The following CDH1 variants were observed in gnomAD, a reference collection of about 807,000 sequenced individuals.
The protein encoded by CDH1 is cadherin-1.
A neutral mutation model predicts 84.5 loss-of-function variants in CDH1; 35 were observed. That is an observed-to-expected ratio of 0.41 (90% CI 0.32 to 0.55). The LOEUF is 0.55. Ranked by LOEUF, CDH1 falls within the 20% of genes least tolerant of loss-of-function variation. The pLI is 0.19. For missense variants in CDH1, 994 were observed against 1,126.6 expected (o/e 0.88, Z 1.68); for synonymous variants, 417 against 439.0 (o/e 0.95, Z 0.63).
chr16:68,815,854 C>A, intron 10 of CDH1, 95 bp downstream of exon 10: 1 of 1,421,468 alleles, frequency 7.0e-7, no homozygotes, highest in South Asian at 1.2e-5. Flanking sequence ...GGCATTTTGT[C>A]ATTTGTCTGT....
At chr16:68,744,782 A>T (rs199757843) in intron 2 of CDH1, among the ~76,000 whole-genome samples, 154 of 152,290 alleles carry the variant, frequency 1.0e-3, no homozygotes, top group Non-Finnish European at 1.9e-3. Flanking sequence ...ATGGTATGTC[A>T]AGCGTTCAGT....
At chr16:68,800,200 A>C (rs569713491) in intron 2 of CDH1, among the ~76,000 whole-genome samples, 1 of 152,024 alleles carries the variant, frequency 6.6e-6, no homozygotes, top group Non-Finnish European at 1.5e-5. Flanking sequence ...AAAAAAAAAA[A>C]AACCAAGGCC....
At chr16:68,807,680 C>T (rs1193671907) in intron 3 of CDH1, among the ~76,000 whole-genome samples, 1 of 151,874 alleles carries the variant, frequency 6.6e-6, no homozygotes, top group Non-Finnish European at 1.5e-5. Context: ...CAGAGCAAGA[C>T]CCTGTCTCTA....
At position 68,819,393 on chromosome 16, in the gene CDH1, C is replaced by T. The variant is rs746481984; in HGVS notation, c.1679C>T (p.Thr560Met). ...REDFEHVKNS[T>M]YTALIIATDN... ...GATTTTGAGCACGTGAAGAACAGCA[C>T]GTACACAGCCCTAATCATAGCTACA... Residue 560 changes from threonine to methionine, a missense_variant, in exon 11 of 16, where the codon ACG (threonine) becomes ATG (methionine). Physicochemically the swap from Thr to Met is moderately conservative, Grantham distance 81. Coordinates refer to ENST00000261769, the MANE Select transcript of CDH1 (RefSeq NM_004360.5). 4 of 1,613,702 alleles carry T rather than the reference C, an allele frequency of 2.5e-6. No individual in the cohort carries two copies. Among genetic ancestry groups the T allele is most frequent in the African/African-American group, 1.3e-5 (1 of 74,904 alleles).
rs1961555127 is a variant in CDH1 at position 68,833,625 on chromosome 16, T to G, written c.*126T>G. Reference sequence around the variant, plus strand: ...GGAAAAAAAAGAGACTGGTTAGTGATGCAGTTAGTATAGCTTTATACTCTC... The same window carrying G: ...GGAAAAAAAAGAGACTGGTTAGTGAGGCAGTTAGTATAGCTTTATACTCTC... On this transcript the variant is annotated 3_prime_UTR_variant, in exon 16 of 16. Transcript: ENST00000261769. 1 of 747,822 alleles carries G rather than the reference T, an allele frequency of 1.3e-6. No individual in the cohort carries two copies. The highest frequency in any genetic ancestry group is 2.4e-6 in the Non-Finnish European group (1 of 419,020). The allele number at this position is 747,822 out of a possible 1,614,324, so 46.3% of individuals were successfully genotyped here. A position where few individuals can be genotyped will look rare whatever the true frequency, so the allele number is the denominator to read the frequency against.
At chr16:68,806,617 C>T (rs551546031) in intron 3 of CDH1, among the ~76,000 whole-genome samples, 1 of 152,284 alleles carries the variant, frequency 6.6e-6, no homozygotes, top group East Asian at 1.9e-4. Flanking sequence ...TTTAAATGTG[C>T]AATACCAGCA....
chr16:68,834,125 T>C lies in CDH1; in HGVS notation c.*626T>C, dbSNP rs978997129. ...GCATGCACCACTACGCATGACTAATTTTTTAAATATTTGAGACGGGGTCTC... is the reference window on the plus strand; with the variant it reads ...GCATGCACCACTACGCATGACTAATCTTTTAAATATTTGAGACGGGGTCTC... On this transcript the variant is annotated 3_prime_UTR_variant, in exon 16 of 16. Coordinates refer to ENST00000261769, the MANE Select transcript of CDH1 (RefSeq NM_004360.5). 2.3e-6 allele frequency: 1 copy of C among 440,916 alleles called. No individual in the cohort carries two copies. Among genetic ancestry groups the C allele is most frequent in the African/African-American group, 2.0e-5 (1 of 49,916 alleles). The allele number at this position is 440,916 out of a possible 1,614,324, so 27.3% of individuals were successfully genotyped here.
chr16:68,761,797 AG>A (rs1959228778), intron 2 of CDH1, among the ~76,000 whole-genome samples: 1 of 152,132 alleles, frequency 6.6e-6, no homozygotes, highest in Non-Finnish European at 1.5e-5. Context: ...TGGAGGGAAC[AG>A]CAAAGACACA....
rs2152132623 is a variant in CDH1 at position 68,812,208 on chromosome 16, C to A, written c.1082C>A (p.Ala361Asp). 6.2e-7 allele frequency: 1 copy of A among 1,614,174 alleles called. No homozygotes were observed. Among genetic ancestry groups the A allele is most frequent in the Non-Finnish European group, 8.5e-7 (1 of 1,179,976 alleles). ...GAGGGGTTAAGCACAACAGCAACAG[C>A]TGTGATCACAGTCACTGACACCAAC... is the stretch of plus-strand genomic sequence containing the variant. ...QGEGLSTTAT[A>D]VITVTDTNDN... is the part of the protein sequence containing the mutation. Residue 361 changes from alanine to aspartate, a missense_variant, in exon 8 of 16, where the codon GCT (alanine) becomes GAT (aspartate). Transcript: ENST00000261769.
At chr16:68,824,224 C>T (rs867085828) in intron 13 of CDH1, among the ~76,000 whole-genome samples, 2 of 151,986 alleles carry the variant, frequency 1.3e-5, no homozygotes, top group Non-Finnish European at 2.9e-5. Context: ...CTCAGACTCC[C>T]GACCTCAGGT....
At chr16:68,819,659 C>G (rs963239065) in intron 11 of CDH1, among the ~76,000 whole-genome samples, 1 of 151,982 alleles carries the variant, frequency 6.6e-6, no homozygotes, top group Admixed American at 6.6e-5. Flanking sequence ...TGCATTGTAC[C>G]CATTAAGTAA....
chr16:68,834,245 C>A lies in CDH1; in HGVS notation c.*746C>A, dbSNP rs140240766. 5.2e-4 allele frequency: 264 copies of A among 509,224 alleles called. No individual in the cohort carries two copies. Among genetic ancestry groups the A allele is most frequent in the African/African-American group, 1.4e-3 (74 of 52,542 alleles). 31.5% of individuals were successfully genotyped at this position (509,224 alleles called of 1,614,324 possible). ...TTGGGATTACAGACATGAGCCACTG[C>A]ACCTGCCCAGCTCCCCAACTCCCTG... is the stretch of plus-strand genomic sequence containing the variant. On this transcript the variant is annotated 3_prime_UTR_variant, in exon 16 of 16. Transcript: ENST00000261769.
Position 68,747,045 on chromosome 16 carries a change from C to G in CDH1, c.163+8634C>G, listed in dbSNP as rs140239789. Among the ~76,000 whole-genome samples, 1,503 of 152,242 alleles carry G rather than the reference C, an allele frequency of 9.9e-3. 30 individuals carry two copies. The highest frequency in any genetic ancestry group is 0.034 in the African/African-American group (1,416 of 41,540). ...AGTGCACCCAGGCCTAAGACTCACC[C>G]CCTACACTCAGGGAGATTCCAGAAA... On this transcript the variant is annotated intron_variant, in intron 2 of 15. Transcript: ENST00000261769.
At chr16:68,780,953 G>A (rs771312954) in intron 2 of CDH1, among the ~76,000 whole-genome samples, 3 of 152,190 alleles carry the variant, frequency 2.0e-5, no homozygotes, top group Admixed American at 1.3e-4. Context: ...AGCTCAATGC[G>A]GCTACTGTGT....
intron 2 of CDH1, among the ~76,000 whole-genome samples, chr16:68,786,852 G>T (rs1191936232): frequency 1.3e-5 from 2 of 152,158 alleles, no homozygotes; most frequent in Non-Finnish European, 2.9e-5. Context: ...GCCTCACTTC[G>T]CAGTGTTGGC....
intron 2 of CDH1, chr16:68,771,149 C>T (rs1163291334): frequency 6.6e-6 from 1 of 152,296 alleles, no homozygotes; most frequent in Non-Finnish European, 1.5e-5. Context: ...TGGAAGTTAG[C>T]TCCTGGCTGT....
chr16:68,822,534 G>T, intron 12 of CDH1: 1 of 529,442 alleles, frequency 1.9e-6, no homozygotes, highest in Non-Finnish European at 3.5e-6. Context: ...TCCTGCTCCT[G>T]GGACCAAACA....
intron 2 of CDH1, among the ~76,000 whole-genome samples, chr16:68,800,857 A>C (rs1221057453): frequency 6.6e-6 from 1 of 152,040 alleles, no homozygotes; most frequent in East Asian, 1.9e-4. Context: ...ATTTCTTTTT[A>C]CCTATTACCA....
chr16:68,813,161 G>A (rs1419982881), intron 8 of CDH1, 152 bp from the exon 9 acceptor site: 1 of 783,678 alleles, frequency 1.3e-6, no homozygotes, highest in Non-Finnish European at 2.1e-6. Context: ...AGGCTACAGT[G>A]AGCCATGATC....
Sources: allele counts gnomAD v4.1 joint callset (sites outside exome capture counted in the v4.1 genomes callset), GRCh38; gene constraint gnomAD v4.1.1; transcripts MANE v1.5; gene names NCBI Gene and HGNC (gene_info 2026-07-23, HGNC 2026-07-21).